The following GNB1L variants were observed in gnomAD, a reference collection of about 807,000 sequenced individuals.
GNB1L encodes the protein G protein subunit beta 1 like, also known as guanine nucleotide-binding protein subunit beta-like protein 1.
A neutral mutation model predicts 29.1 loss-of-function variants in GNB1L; 20 were observed. The ratio of observed to expected loss-of-function variants is 0.69; its 90% CI spans 0.48 to 1.00. The LOEUF (loss-of-function observed/expected upper bound fraction) is 1.00, where lower values mean the gene tolerates loss of function less well. GNB1L is among the 50% of genes least tolerant of loss of function. GNB1L has a pLI of 0.00. For missense variants in GNB1L, 421 were observed against 464.9 expected (o/e 0.91, Z 0.87); for synonymous variants, 193 against 206.5 (o/e 0.93, Z 0.56).
chr22:19,816,781 C>T lies in GNB1L; in HGVS notation c.254+3817G>A, dbSNP rs780132298. 1.5e-4 allele frequency among the ~76,000 whole-genome samples: 23 copies of T among 152,332 alleles called. No individual in the cohort carries two copies. The highest frequency in any genetic ancestry group is 2.6e-4 in the Non-Finnish European group (18 of 68,032). On this transcript the variant is annotated intron_variant, in intron 4 of 7. Coordinates refer to ENST00000329517, the MANE Select transcript of GNB1L (RefSeq NM_053004.3). This position sits in a 1 kb window ranked among gnomAD's most constrained non-coding sequence, Gnocchi z 4.4. ...CTCTCCTCTCTGGGCAGGGACAACC[C>T]TGGCCTCTGTTATCCTGGAGATGTT...
intron 2 of GNB1L, among the ~76,000 whole-genome samples, chr22:19,845,653 C>G (rs1238342217): frequency 6.6e-6 from 1 of 152,220 alleles, no homozygotes; most frequent in Non-Finnish European, 1.5e-5. Flanking sequence ...TTGGCCAGCC[C>G]CTACCCACCG....
chr22:19,826,406 C>A (rs554928852), intron 2 of GNB1L, among the ~76,000 whole-genome samples: 2 of 152,212 alleles, frequency 1.3e-5, no homozygotes, highest in South Asian at 2.1e-4. Context: ...AGGTTGTAGT[C>A]AAAAATCACA....
intron 2 of GNB1L, among the ~76,000 whole-genome samples, chr22:19,837,064 T>G (rs888322628): frequency 2.6e-5 from 4 of 152,084 alleles, no homozygotes; most frequent in Middle Eastern, 3.2e-3. Context: ...CCTCCTGGGT[T>G]CACGCCATTC....
chr22:19,809,722 C>A (rs1937477734), intron 5 of GNB1L, among the ~76,000 whole-genome samples: 1 of 152,200 alleles, frequency 6.6e-6, no homozygotes, highest in Non-Finnish European at 1.5e-5. Context: ...CCATTGCACG[C>A]CCCGGGAGGG....
intron 2 of GNB1L, among the ~76,000 whole-genome samples, chr22:19,828,885 G>A (rs969009642): frequency 2.7e-5 from 4 of 150,796 alleles, no homozygotes; most frequent in Non-Finnish European, 5.9e-5. Flanking sequence ...AGGCTGGAGT[G>A]CAGTGACGTG....
intron 6 of GNB1L, among the ~76,000 whole-genome samples, chr22:19,802,839 G>A (rs1253574973): frequency 6.6e-6 from 1 of 152,258 alleles, no homozygotes; most frequent in African/African-American, 2.4e-5. Flanking sequence ...TGAGGGCGCG[G>A]GTCAGAGGGC....
intron 2 of GNB1L, chr22:19,851,208 G>A: frequency 1.3e-6 from 2 of 1,594,786 alleles, no homozygotes; most frequent in Non-Finnish European, 1.7e-6. Context: ...GGGGTCTCCG[G>A]GGCCTCCACC....
chr22:19,813,288 A>G (rs1189981972), intron 4 of GNB1L, among the ~76,000 whole-genome samples: 3 of 152,206 alleles, frequency 2.0e-5, no homozygotes, highest in African/African-American at 4.8e-5. Flanking sequence ...CTCCAAAAAC[A>G]GGAACCAGGG....
intron 6 of GNB1L, 94 bp downstream of exon 6, chr22:19,806,565 G>T: frequency 1.3e-6 from 1 of 765,318 alleles, no homozygotes; most frequent in Non-Finnish European, 2.2e-6. Flanking sequence ...GGTGTTGCCT[G>T]AGTGGCTCGA....
At chr22:19,823,083 G>A (rs578216123) in intron 2 of GNB1L, among the ~76,000 whole-genome samples, 4 of 152,314 alleles carry the variant, frequency 2.6e-5, no homozygotes, top group African/African-American at 7.2e-5. Context: ...CCTGCCTGGC[G>A]AGAGACCTCG....
Position 19,788,328 on chromosome 22 carries a change from G to C in GNB1L, c.*381C>G. On this transcript the variant is annotated 3_prime_UTR_variant, in exon 8 of 8. Coordinates refer to ENST00000329517, the MANE Select transcript of GNB1L (RefSeq NM_053004.3). ...ACAGCAGGTGTGAGGGTGGGGCTGA[G>C]CATCCTGCCTGGTGGGGGTCTGAGG... is the stretch of plus-strand genomic sequence containing the variant. 1.8e-6 allele frequency: 1 copy of C among 551,356 alleles called. No homozygotes were observed. The highest frequency in any genetic ancestry group is 3.2e-6 in the Non-Finnish European group (1 of 310,708). 34.2% of individuals were successfully genotyped at this position (551,356 alleles called of 1,614,324 possible).
At chr22:19,823,563 C>A (rs1340750998) in intron 2 of GNB1L, among the ~76,000 whole-genome samples, 4 of 152,194 alleles carry the variant, frequency 2.6e-5, no homozygotes, top group Non-Finnish European at 5.9e-5. Context: ...AAAAGCACCT[C>A]CACCTAGCAG....
chr22:19,847,420 G>A (rs562113489), intron 2 of GNB1L: 145 of 984,658 alleles, frequency 1.5e-4, no homozygotes, highest in African/African-American at 2.6e-4. Flanking sequence ...ACACCCATGA[G>A]GTGGGTGTTA....
chr22:19,842,927 A>C (rs562446189), intron 2 of GNB1L, among the ~76,000 whole-genome samples: 106 of 152,346 alleles, frequency 7.0e-4, no homozygotes, highest in African/African-American at 2.5e-3. Flanking sequence ...TGAGCACGGG[A>C]AACAGGTCTA....
chr22:19,847,731 T>C, intron 2 of GNB1L: 1 of 977,030 alleles, frequency 1.0e-6, no homozygotes. Context: ...CCACCAACAG[T>C]ATGAGAAGGT....
chr22:19,792,681 A>T, intron 7 of GNB1L: 2 of 1,455,868 alleles, frequency 1.4e-6, no homozygotes, highest in South Asian at 2.3e-5. Flanking sequence ...GGACGTCCCC[A>T]CCAAGAGACC....
At chr22:19,800,520 A>G (rs1189241463) in intron 7 of GNB1L, among the ~76,000 whole-genome samples, 1 of 152,186 alleles carries the variant, frequency 6.6e-6, no homozygotes, top group Non-Finnish European at 1.5e-5. Context: ...CCCAGCACCC[A>G]GAGTGGCTCT....
At chr22:19,852,288 A>G in intron 2 of GNB1L, 1 of 1,579,666 alleles carries the variant, frequency 6.3e-7, no homozygotes, top group African/African-American at 1.3e-5. Flanking sequence ...AGAAGAGAGG[A>G]GAGCCAGCAC....
rs1937161011 is a variant in GNB1L, at chr22:19,783,378, CT to C, written c.*5330del. 1 of 349,588 alleles carries C rather than the reference CT, an allele frequency of 2.9e-6. No individual in the cohort carries two copies. Among genetic ancestry groups the C allele is most frequent in the South Asian group, 2.3e-5 (1 of 43,982 alleles). 21.7% of individuals were successfully genotyped at this position (349,588 alleles called of 1,614,324 possible). ...GAGGTGGCAGGGGACAGATGTGCTG[CT>C]GTTCCCAGGCCACCTGCACAGCTGG... On this transcript the variant is annotated 3_prime_UTR_variant, in exon 8 of 8. Transcript: ENST00000329517.
Sources: gnomAD v4.1 joint callset for allele counts (sites outside exome capture counted in the v4.1 genomes callset) on GRCh38, gnomAD v4.1.1 for gene constraint, Gnocchi (gnomAD v3.1) non-coding constraint, MANE v1.5 for transcripts, NCBI Gene and HGNC (gene_info 2026-07-23, HGNC 2026-07-21) for gene names.